The following TRIOBP variants were observed in gnomAD, a reference collection of about 807,000 sequenced individuals.
TRIOBP encodes the protein TRIO and F-actin-binding protein.
Under a neutral mutation model 238.8 loss-of-function variants are expected in TRIOBP, and 169 were observed. The observed-to-expected ratio is 0.71, with a 90% confidence interval of 0.62 to 0.80. The LOEUF is 0.80. Ranked by LOEUF, TRIOBP falls within the 30% of genes least tolerant of loss-of-function variation. TRIOBP has a pLI of 0.00. For synonymous variants in TRIOBP, 1,150 were observed against 1,274.4 expected, an observed-to-expected ratio of 0.90 and a Z score of 2.08; for missense variants, 2,838 against 3,122.6, an observed-to-expected ratio of 0.91 and a Z score of 2.17.
intron 12 of TRIOBP, among the ~76,000 whole-genome samples, chr22:37,753,815 G>A (rs1925759698): frequency 6.6e-6 from 1 of 152,190 alleles, no homozygotes; most frequent in South Asian, 2.1e-4. Context: ...CACAGACAGG[G>A]CTTGGTGATG....
intron 3 of TRIOBP, among the ~76,000 whole-genome samples, chr22:37,708,770 A>G (rs1923085552): frequency 1.3e-5 from 2 of 152,212 alleles, no homozygotes; most frequent in Admixed American, 1.3e-4. Flanking sequence ...CCAGCCGGGA[A>G]CCGGAGGAGC....
At chr22:37,709,049 T>C (rs1271396609) in intron 3 of TRIOBP, among the ~76,000 whole-genome samples, 2 of 152,168 alleles carry the variant, frequency 1.3e-5, no homozygotes, top group African/African-American at 4.8e-5. Context: ...GGCCCGGCTG[T>C]GGATCTGACA....
chr22:37,698,211 AAAAAAAAG>A (rs1207963986), intron 2 of TRIOBP, among the ~76,000 whole-genome samples: 340 of 132,316 alleles, frequency 2.6e-3, no homozygotes, highest in Non-Finnish European at 4.0e-3. Flanking sequence ...AAAAAAAAAA[AAAAAAAAG>A]AAAGAAAGAC....
Position 37,723,516 on chromosome 22 carries a change from T to C in TRIOBP, c.960T>C (p.Pro320=), listed in dbSNP as rs756771040. The C allele has an allele frequency of 1.5e-5, 24 of 1,611,508 alleles. No individual in the cohort carries two copies. The South Asian group carries it at 2.5e-4, about 17-fold the overall frequency. The change falls in exon 7 of 24, where the codon CCT becomes CCC. Residue 320 remains proline (P), a synonymous_variant. Transcript: ENST00000644935. ...CCTCATCCACCCAAGAGGACACCCCTAGGGCCTCATCCACCCAAGAGGACA... is the reference window on the plus strand; with the variant it reads ...CCTCATCCACCCAAGAGGACACCCCCAGGGCCTCATCCACCCAAGAGGACA... ...SRASSTQEDT[P]RASSTQEDTP... is the part of the protein sequence containing the mutation.
intron 7 of TRIOBP, among the ~76,000 whole-genome samples, chr22:37,730,472 C>T (rs1393227076): frequency 1.3e-5 from 2 of 152,178 alleles, no homozygotes; most frequent in Non-Finnish European, 2.9e-5. Context: ...TGCCTTGCTT[C>T]CCTGCACCGG....
chr22:37,744,949 T>G (rs1406833306), intron 11 of TRIOBP, among the ~76,000 whole-genome samples: 3 of 152,100 alleles, frequency 2.0e-5, no homozygotes, highest in Non-Finnish European at 4.4e-5. Context: ...CACTGTAACC[T>G]CTGCCTCCCG....
rs1433884005 is a variant in TRIOBP at position 37,773,894 on chromosome 22, C to G, written c.*114C>G. 1 of 146,136 alleles carries G rather than the reference C, an allele frequency of 6.8e-6. No individual in the cohort carries two copies. Among genetic ancestry groups the G allele is most frequent in the Non-Finnish European group, 1.5e-5 (1 of 66,848 alleles). The allele number at this position is 146,136 out of a possible 1,614,324, so 9.1% of individuals were successfully genotyped here. On this transcript the variant is annotated 3_prime_UTR_variant, in exon 24 of 24. Coordinates refer to ENST00000644935, the MANE Select transcript of TRIOBP (RefSeq NM_001039141.3). ...CCACCCTCTGTGGGCCACACGTGCA[C>G]TTGCACCCACCACACACACACACAC...
intron 15 of TRIOBP, among the ~76,000 whole-genome samples, chr22:37,756,549 C>A (rs2145868435): frequency 6.6e-6 from 1 of 152,312 alleles, no homozygotes; most frequent in African/African-American, 2.4e-5. Context: ...TGTTATTTAG[C>A]ATCTAGGCCC....
chr22:37,763,833 C>CT (rs1367194596), intron 17 of TRIOBP, among the ~76,000 whole-genome samples: 3 of 152,308 alleles, frequency 2.0e-5, no homozygotes, highest in Admixed American at 6.5e-5. Context: ...GGCGAGAAGT[C>CT]TAACGCGAGT....
chr22:37,726,405 C>T lies in TRIOBP; in HGVS notation c.3849C>T (p.Ala1283=). The T allele has an allele frequency of 6.3e-7, 1 of 1,584,654 alleles. No homozygotes were observed. Among genetic ancestry groups the T allele is most frequent in the East Asian group, 2.3e-5 (1 of 44,382 alleles). The change falls in exon 7 of 24, where the codon GCC becomes GCT. Residue 1283 remains alanine (A), a synonymous_variant. Transcript: ENST00000644935. ...ACCTGCCCCCACCCAGGAGGCTGGC[C>T]CAGAGACAGCCAGGGCCCCAGGCGC... ...LADLPPPRRL[A]QRQPGPQAQC...
In TRIOBP at chr22:37,720,006, T is replaced by C. The variant is rs1381640934; in HGVS notation, c.629-3179T>C. 2.7e-3 allele frequency among the ~76,000 whole-genome samples: 32 copies of C among 11,840 alleles called. 2 individuals are homozygous for C. In the East Asian group the frequency reaches 0.088, roughly 33 times the overall value. 7.8% of individuals were successfully genotyped at this position (11,840 alleles called of 152,430 possible). On this transcript the variant is annotated intron_variant, in intron 6 of 23. Transcript: ENST00000644935. ...TCACTCATCCCCCCCCGCCCTTTTT[T>C]TTTTTTTTTTTTTTTTTTTTGAGAC...
At chr22:37,705,809 C>G (rs868068124) in intron 3 of TRIOBP, among the ~76,000 whole-genome samples, 2 of 152,128 alleles carry the variant, frequency 1.3e-5, no homozygotes, top group South Asian at 2.1e-4. Flanking sequence ...CTCCTGGCCT[C>G]AAGCAATCTG....
intron 6 of TRIOBP, among the ~76,000 whole-genome samples, chr22:37,719,196 C>T (rs1010184780): frequency 1.0e-5 from 1 of 97,772 alleles, no homozygotes; most frequent in Non-Finnish European, 2.0e-5. Context: ...GAATAAGACT[C>T]CATCTCAAAT....
intron 11 of TRIOBP, among the ~76,000 whole-genome samples, chr22:37,743,583 G>A (rs1925046881): frequency 6.6e-6 from 1 of 152,150 alleles, no homozygotes; most frequent in Non-Finnish European, 1.5e-5. Flanking sequence ...TTCCAGCCCT[G>A]GCCACTGGAG....
At chr22:37,755,524 A>G (rs1408856475) in intron 14 of TRIOBP, 26 bp from the exon 15 acceptor site, 5 of 1,605,552 alleles carry the variant, frequency 3.1e-6, no homozygotes, top group African/African-American at 2.7e-5. Context: ...GCCATGTGGC[A>G]ACCTACCCAT....
At chr22:37,701,103 A>C (rs1210330840) in intron 2 of TRIOBP, among the ~76,000 whole-genome samples, 2 of 152,236 alleles carry the variant, frequency 1.3e-5, no homozygotes, top group Non-Finnish European at 2.9e-5. Context: ...ATGCTGGCAG[A>C]GTGCCTGGTG....
At chr22:37,766,506 C>T (rs1039744685) in intron 18 of TRIOBP, among the ~76,000 whole-genome samples, 8 of 152,246 alleles carry the variant, frequency 5.3e-5, no homozygotes, top group South Asian at 2.1e-4. Context: ...CCTTTGCAGC[C>T]GCGTGTGTTA....
intron 3 of TRIOBP, among the ~76,000 whole-genome samples, chr22:37,701,998 G>A (rs1420290682): frequency 2.0e-5 from 3 of 152,092 alleles, no homozygotes; most frequent in South Asian, 2.1e-4. Flanking sequence ...AGCTACTTGG[G>A]AGGCTGAGGC....
At position 37,725,764 on chromosome 22, in the gene TRIOBP, GCCCCCCGGGCGTCCTCGC is replaced by G; in HGVS notation, c.3216_3233del (p.Ala1073_Arg1078del). The G allele has an allele frequency of 6.2e-7, 1 of 1,609,562 alleles. No homozygotes were observed. Among genetic ancestry groups the G allele is most frequent in the Middle Eastern group, 1.7e-4 (1 of 5,838 alleles). On this transcript the variant is annotated inframe_deletion, in exon 7 of 24. Coordinates refer to ENST00000644935, the MANE Select transcript of TRIOBP (RefSeq NM_001039141.3). ...TGCTGTGTGCATTGGACACCGAGATGCCCCCCGGGCGTCCTCGCCCCCCCGCCACACCCAATTTGACCC... is the reference window on the plus strand; with the variant it reads ...TGCTGTGTGCATTGGACACCGAGATGCCCCCCGCCACACCCAATTTGACCC...
Sources: gnomAD v4.1 joint callset for allele counts (sites outside exome capture counted in the v4.1 genomes callset) on GRCh38, gnomAD v4.1.1 for gene constraint, MANE v1.5 for transcripts, NCBI Gene and HGNC (gene_info 2026-07-23, HGNC 2026-07-21) for gene names.